Variants in NREP observed in about 807,000 individuals in gnomAD.
NREP encodes neuronal regeneration-related protein.
A neutral mutation model predicts 8.6 loss-of-function variants in NREP; 5 were observed. The ratio of observed to expected loss-of-function variants is 0.58; its 90% CI spans 0.30 to 1.22. The LOEUF (loss-of-function observed/expected upper bound fraction) is 1.22, where lower values mean the gene tolerates loss of function less well. Ranked by LOEUF, NREP falls within the 50% of genes most tolerant of loss-of-function variation. The probability of loss-of-function intolerance (pLI) is 0.07; values close to 1 mark genes in which losing one functional copy is unlikely to be tolerated. For synonymous variants in NREP, 27 were observed against 28.0 expected (o/e 0.96, Z 0.11); for missense variants, 86 against 82.5 (o/e 1.04, Z -0.17).
chr5:111,784,143 A>G (rs1581115243), intron 2 of NREP, among the ~76,000 whole-genome samples: 1 of 152,198 alleles, frequency 6.6e-6, no homozygotes, highest in African/African-American at 2.4e-5. Context: ...GCTATTTTCT[A>G]CTTGGGGCTT....
intron 2 of NREP, among the ~76,000 whole-genome samples, chr5:111,804,887 G>C (rs1199683501): frequency 6.6e-6 from 1 of 152,176 alleles, no homozygotes; most frequent in East Asian, 1.9e-4. Context: ...TGCAGGCCCA[G>C]CTACTGGGGA....
At chr5:111,787,979 C>T (rs974459282) in intron 2 of NREP, among the ~76,000 whole-genome samples, 2 of 151,922 alleles carry the variant, frequency 1.3e-5, no homozygotes, top group Admixed American at 1.3e-4. Context: ...ACACCTGTGG[C>T]CCCAGCTACT....
intron 2 of NREP, among the ~76,000 whole-genome samples, chr5:111,768,469 T>C (rs1751137367): frequency 6.6e-6 from 1 of 152,196 alleles, no homozygotes; most frequent in African/African-American, 2.4e-5. Context: ...GCCACACAGG[T>C]AATGAGCACA....
At chr5:111,975,433 A>T in intron 1 of NREP, 1 of 1,192,200 alleles carries the variant, frequency 8.4e-7, no homozygotes. Flanking sequence ...TGAGTGCCAC[A>T]ACTCACAGCT....
chr5:111,780,904 G>T (rs531823496), intron 2 of NREP, among the ~76,000 whole-genome samples: 2 of 151,830 alleles, frequency 1.3e-5, no homozygotes, highest in East Asian at 3.9e-4. Flanking sequence ...TTTTTTTAAC[G>T]TTTATTTTAA....
intron 2 of NREP, among the ~76,000 whole-genome samples, chr5:111,814,182 T>C (rs1752333587): frequency 6.6e-6 from 1 of 152,090 alleles, no homozygotes; most frequent in East Asian, 1.9e-4. Context: ...GTTATGCAAA[T>C]ATAATGTCCT....
intron 2 of NREP, among the ~76,000 whole-genome samples, chr5:111,818,786 TAAA>T (rs999018588): frequency 1.3e-5 from 2 of 152,110 alleles, no homozygotes; most frequent in Non-Finnish European, 2.9e-5. Flanking sequence ...GTGGTAAGGA[TAAA>T]AAAACTGTAG....
At chr5:111,950,596 A>T (rs1756128433) in intron 2 of NREP, among the ~76,000 whole-genome samples, 1 of 152,100 alleles carries the variant, frequency 6.6e-6, no homozygotes, top group African/African-American at 2.4e-5. Context: ...AACTATCATC[A>T]GAGTGAACAG....
chr5:111,936,104 G>GT (rs1182640069), intron 2 of NREP, among the ~76,000 whole-genome samples: 1 of 152,016 alleles, frequency 6.6e-6, no homozygotes, highest in Non-Finnish European at 1.5e-5. Context: ...TTTCTGTGTG[G>GT]TTTTTTCCTC....
At chr5:111,955,469 G>GAAAAAAAAAAAACAAAAAACAAAAAAC (rs1756286818) in intron 2 of NREP, among the ~76,000 whole-genome samples, 1 of 93,576 alleles carries the variant, frequency 1.1e-5, no homozygotes. Context: ...GGCCAATACA[G>GAAAAAAAAAAAACAAAAAACAAAAAAC]AAAAAAAAAA....
At chr5:111,888,339 T>TGGG (rs1554105346) in intron 2 of NREP, among the ~76,000 whole-genome samples, 44 of 144,728 alleles carry the variant, frequency 3.0e-4, no homozygotes, top group South Asian at 1.1e-3. Context: ...CATTGCTGGG[T>TGGG]GGCGGGGGGG....
intron 1 of NREP, chr5:111,975,462 G>A (rs2112679508): frequency 2.3e-6 from 2 of 863,590 alleles, no homozygotes; most frequent in Non-Finnish European, 3.8e-6. Flanking sequence ...TCAGAGAGGA[G>A]GAGAATGGGC....
chr5:111,931,380 G>A (rs990375919), intron 2 of NREP, among the ~76,000 whole-genome samples: 3 of 152,096 alleles, frequency 2.0e-5, no homozygotes, highest in African/African-American at 7.2e-5. Flanking sequence ...GAAGCTAGCT[G>A]TCATGTCATG....
At chr5:111,808,701 C>G (rs556973020) in intron 2 of NREP, among the ~76,000 whole-genome samples, 1 of 152,256 alleles carries the variant, frequency 6.6e-6, no homozygotes, top group Admixed American at 6.5e-5. Context: ...GGAAGCCTTC[C>G]TTGTGCTTCC....
intron 2 of NREP, among the ~76,000 whole-genome samples, chr5:111,967,294 A>AT (rs11461542): frequency 0.98 from 149,152 of 152,198 alleles, 73,118 homozygotes; most frequent in Middle Eastern, 0.99. Flanking sequence ...CTTTCTTTAT[A>AT]TTTTTTTCTT....
intron 2 of NREP, among the ~76,000 whole-genome samples, chr5:111,876,829 T>C (rs539926989): frequency 6.6e-6 from 1 of 152,288 alleles, no homozygotes; most frequent in Non-Finnish European, 1.5e-5. Flanking sequence ...ATAAGAATCC[T>C]GTGAGGAAGA....
intron 2 of NREP, chr5:111,948,792 G>A (rs1409710468): frequency 6.6e-6 from 1 of 151,974 alleles, no homozygotes; most frequent in African/African-American, 2.4e-5. Flanking sequence ...TTTCCAGTGT[G>A]GGAAAAATAT....
intron 2 of NREP, among the ~76,000 whole-genome samples, chr5:111,792,411 A>C (rs957777412): frequency 6.6e-6 from 1 of 152,238 alleles, no homozygotes; most frequent in Non-Finnish European, 1.5e-5. Flanking sequence ...AAGAGGTTTA[A>C]TATATGTTTT....
chr5:111,845,690 A>T (rs1049479062), intron 2 of NREP, among the ~76,000 whole-genome samples: 1 of 152,166 alleles, frequency 6.6e-6, no homozygotes, highest in Admixed American at 6.5e-5. Flanking sequence ...CATAAGTTTC[A>T]AAAAAGCACA....
Sources: gnomAD v4.1 joint callset for allele counts (sites outside exome capture counted in the v4.1 genomes callset) on GRCh38, gnomAD v4.1.1 for gene constraint, MANE v1.5 for transcripts, NCBI Gene and HGNC (gene_info 2026-07-23, HGNC 2026-07-21) for gene names.